Variants in LEKR1 observed in about 807,000 individuals in gnomAD.
LEKR1 encodes protein LEKR1.
In LEKR1, 59 loss-of-function variants were observed where a neutral mutation model predicts 72.4. That is an observed-to-expected ratio of 0.82 (90% CI 0.66 to 1.01). The LOEUF is 1.01. Ranked by LOEUF, LEKR1 falls within the 50% of genes least tolerant of loss-of-function variation. The pLI, the probability that LEKR1 is intolerant of heterozygous loss-of-function variation, is 0.00. For synonymous variants in LEKR1, 257 were observed against 263.2 expected (o/e 0.98, Z 0.23); for missense variants, 728 against 759.2 (o/e 0.96, Z 0.48).
At position 156,970,927 on chromosome 3, in the gene LEKR1, T is replaced by C. The variant is rs1486820512; in HGVS notation, c.746-8267T>C. On this transcript the variant is annotated intron_variant, in intron 6 of 12. Transcript: ENST00000356539. ...TGGCCATACTGCCCAAGGTAATCTA[T>C]AGATTCAATGCCATCCCCATCAAGC... 5.9e-3 allele frequency among the ~76,000 whole-genome samples: 899 copies of C among 151,854 alleles called. 9 individuals carry two copies. Among genetic ancestry groups the C allele is most frequent in the African/African-American group, 0.021 (859 of 41,378 alleles).
At chr3:156,852,041 C>T (rs1481673708) in intron 2 of LEKR1, 1 of 152,164 alleles carries the variant, frequency 6.6e-6, no homozygotes, top group East Asian at 1.9e-4. Context: ...ATCCAATATA[C>T]ATGTGATAGA....
At chr3:156,927,638 T>A (rs1724841647) in intron 5 of LEKR1, 34 bp downstream of exon 5, 1 of 944,900 alleles carries the variant, frequency 1.1e-6, no homozygotes, top group Non-Finnish European at 1.4e-6. Flanking sequence ...TAATTGTCCC[T>A]TTTTGGTAAA....
intron 3 of LEKR1, among the ~76,000 whole-genome samples, chr3:156,906,490 G>A (rs1722550010): frequency 6.6e-6 from 1 of 152,152 alleles, no homozygotes; most frequent in South Asian, 2.1e-4. Context: ...CACCCTCTGA[G>A]TAGACAACAT....
chr3:156,969,396 G>C (rs1335220839), intron 6 of LEKR1, among the ~76,000 whole-genome samples: 5 of 152,124 alleles, frequency 3.3e-5, no homozygotes, highest in Admixed American at 6.5e-5. Context: ...AAGAAGAAAA[G>C]AGACAAGAAT....
intron 12 of LEKR1, among the ~76,000 whole-genome samples, chr3:157,041,181 A>T (rs1329086883): frequency 1.3e-5 from 2 of 152,174 alleles, no homozygotes; most frequent in Admixed American, 1.3e-4. Context: ...TGATATCTAT[A>T]GATCATGCTC....
intron 6 of LEKR1, among the ~76,000 whole-genome samples, chr3:156,961,566 G>A (rs1251360009): frequency 1.3e-5 from 2 of 152,180 alleles, no homozygotes; most frequent in Non-Finnish European, 2.9e-5. Context: ...TTAGGATAAT[G>A]TTTGTGAGTT....
intron 5 of LEKR1, among the ~76,000 whole-genome samples, chr3:156,928,336 A>G (rs913908134): frequency 6.6e-6 from 1 of 152,064 alleles, no homozygotes; most frequent in African/African-American, 2.4e-5. Flanking sequence ...TGTAACAAGT[A>G]CTACTCTCCC....
rs1420264355 is a variant in LEKR1 at position 156,993,083 on chromosome 3, G to A, written c.915G>A (p.Met305Ile). The change falls in exon 9 of 13, where the codon ATG (methionine) becomes ATA (isoleucine). Residue 305 changes from methionine (M) to isoleucine (I), a missense_variant. Coordinates refer to ENST00000356539, the MANE Select transcript of LEKR1 (RefSeq NM_001004316.3). ...TCCTATTTCTTTTTAGGCATACTAT[G>A]CTGCTTAAGGAAAAAGAAGACTCTT... Reference protein sequence around the residue: ...ESIISESQHTMLLKEKEDSLM... With the variant: ...ESIISESQHTILLKEKEDSLM... 3.1e-6 allele frequency: 5 copies of A among 1,590,960 alleles called. No homozygotes were observed. The highest frequency in any genetic ancestry group is 1.7e-4 in the Middle Eastern group (1 of 5,874).
chr3:156,833,886 ATC>A (rs374282741), intron 2 of LEKR1, among the ~76,000 whole-genome samples: 99 of 151,784 alleles, frequency 6.5e-4, no homozygotes, highest in African/African-American at 2.0e-3. Context: ...GGCTACCTGA[ATC>A]TCTCTTTCCC....
chr3:157,029,568 G>T (rs1026121888), intron 12 of LEKR1, among the ~76,000 whole-genome samples: 5 of 152,038 alleles, frequency 3.3e-5, no homozygotes, highest in African/African-American at 1.2e-4. Flanking sequence ...AATCTCCAGG[G>T]ACTCAATTTT....
At chr3:156,936,447 ACACACACACACACACACACC>A (rs1159421080) in intron 5 of LEKR1, among the ~76,000 whole-genome samples, 1 of 115,978 alleles carries the variant, frequency 8.6e-6, no homozygotes, top group African/African-American at 2.7e-5. Flanking sequence ...ACACACACAC[ACACACACACACACACACACC>A]CCCCGTATGC....
chr3:157,005,591 C>A (rs965118420), intron 9 of LEKR1, among the ~76,000 whole-genome samples: 1 of 151,896 alleles, frequency 6.6e-6, no homozygotes, highest in African/African-American at 2.4e-5. Context: ...ATCAAGATAA[C>A]ATATAAAAGG....
intron 3 of LEKR1, among the ~76,000 whole-genome samples, chr3:156,900,258 C>T (rs948174084): frequency 1.3e-5 from 2 of 152,136 alleles, no homozygotes; most frequent in Non-Finnish European, 2.9e-5. Flanking sequence ...CGTAAAATCT[C>T]TCCAAGTTTA....
At chr3:156,838,696 G>C (rs960367860) in intron 2 of LEKR1, among the ~76,000 whole-genome samples, 29 of 152,192 alleles carry the variant, frequency 1.9e-4, no homozygotes, top group Non-Finnish European at 4.1e-4. Flanking sequence ...GGGCCTCACT[G>C]GGCAAGGACA....
intron 12 of LEKR1, among the ~76,000 whole-genome samples, chr3:157,035,524 A>G (rs1373131627): frequency 2.0e-5 from 3 of 152,190 alleles, no homozygotes; most frequent in African/African-American, 7.2e-5. Flanking sequence ...ATGTTTCAGA[A>G]CACAAGTAAC....
chr3:156,935,374 T>C (rs545368832), intron 5 of LEKR1, among the ~76,000 whole-genome samples: 1 of 152,310 alleles, frequency 6.6e-6, no homozygotes, highest in Non-Finnish European at 1.5e-5. Flanking sequence ...AAAAACTTTC[T>C]TTTTAGTGCT....
In LEKR1 at chr3:157,044,828, C is replaced by T. The variant is rs189611929; in HGVS notation, c.1669-512C>T. On this transcript the variant is annotated intron_variant, in intron 12 of 12. Transcript: ENST00000356539. Reference sequence around the variant, plus strand: ...ATGAGAACTGATTTTATTGTTTCAACGCTATAGCTGATTTTTTTATTCTTT... The same window carrying T: ...ATGAGAACTGATTTTATTGTTTCAATGCTATAGCTGATTTTTTTATTCTTT... 1.6e-4 allele frequency among the ~76,000 whole-genome samples: 24 copies of T among 152,252 alleles called. No individual in the cohort carries two copies. The East Asian group carries it at 2.7e-3, about 17-fold the overall frequency.
Position 156,906,538 on chromosome 3 carries a change from C to T in LEKR1, c.264-14037C>T, listed in dbSNP as rs117378377. Among the ~76,000 whole-genome samples the T allele has an allele frequency of 1.2e-4, 18 of 152,258 alleles. No individual in the cohort carries two copies. In the East Asian group the frequency reaches 3.3e-3, roughly 28 times the overall value. On this transcript the variant is annotated intron_variant, in intron 3 of 12. Coordinates refer to ENST00000356539, the MANE Select transcript of LEKR1 (RefSeq NM_001004316.3). ...TCAACATAGTGTTCACATTCTGTGC[C>T]GAATTGTGACTGTTAGAGAAAACTG... is the stretch of plus-strand genomic sequence containing the variant.
At chr3:156,966,236 CT>C (rs1417433838) in intron 6 of LEKR1, among the ~76,000 whole-genome samples, 1 of 152,074 alleles carries the variant, frequency 6.6e-6, no homozygotes, top group Non-Finnish European at 1.5e-5. Context: ...GCATTTCCAA[CT>C]GAGGTACTGG....
Sources: allele counts gnomAD v4.1 joint callset (sites outside exome capture counted in the v4.1 genomes callset), GRCh38; gene constraint gnomAD v4.1.1; transcripts MANE v1.5; gene names NCBI Gene and HGNC (gene_info 2026-07-23, HGNC 2026-07-21).